DTX4: variants seen among roughly 807,000 people sequenced by gnomAD.
DTX4 encodes the protein deltex E3 ubiquitin ligase 4.
A neutral mutation model predicts 57.6 loss-of-function variants in DTX4; 28 were observed. That is an observed-to-expected ratio of 0.49 (90% confidence interval 0.36 to 0.67). DTX4 has a LOEUF of 0.67. DTX4 is among the 30% of genes least tolerant of loss of function. The probability of loss-of-function intolerance (pLI) is 0.00; values close to 1 mark genes in which losing one functional copy is unlikely to be tolerated. For missense variants in DTX4, 715 were observed against 836.8 expected (o/e 0.85, Z 1.80); for synonymous variants, 316 against 331.0 (o/e 0.95, Z 0.49).
rs970303694 is a variant in DTX4, at chr11:59,192,118, A to C, written c.1242A>C (p.Glu414Asp). 2 of 1,613,588 alleles carry C rather than the reference A, an allele frequency of 1.2e-6. No homozygotes were observed. The highest frequency in any genetic ancestry group is 3.3e-5 in the Admixed American group (2 of 60,018). Reference protein sequence around the residue: ...PPDEDCTICMERLTAPSGYKG... With the variant: ...PPDEDCTICMDRLTAPSGYKG... ...CCCAGGACTGCACCATCTGTATGGA[A>C]CGCCTCACGGCCCCCTCAGGCTACA... The change falls in exon 6 of 9, where the codon GAA (glutamate) becomes GAC (aspartate). Residue 414 changes from glutamate (E) to aspartate (D), a missense_variant. Transcript: ENST00000227451.
Position 59,188,725 on chromosome 11 carries a change from C to T in DTX4, c.936-10C>T, listed in dbSNP as rs781240883. 6.2e-6 allele frequency: 10 copies of T among 1,612,698 alleles called. No individual in the cohort carries two copies. In the Admixed American group the frequency reaches 6.7e-5, roughly 11 times the overall value. The stretch of plus-strand genomic sequence containing the variant: ...CAAAATGACATTGTATCTGCTCTTT[C>T]CTTTCACAGGGTCCCCACAGTCCCA... On this transcript the variant is annotated splice_polypyrimidine_tract_variant and intron_variant, in intron 2 of 8. Coordinates refer to ENST00000227451, the MANE Select transcript of DTX4 (RefSeq NM_015177.2).
At chr11:59,191,198 G>A (rs368150806) in intron 5 of DTX4, 23 bp downstream of exon 5, 5 of 1,559,586 alleles carry the variant, frequency 3.2e-6, no homozygotes, top group East Asian at 2.4e-5. Context: ...TTAGAAGAGC[G>A]GGATTCACCT....
chr11:59,196,306 A>T (rs1303382265), intron 7 of DTX4, among the ~76,000 whole-genome samples: 1 of 148,492 alleles, frequency 6.7e-6, no homozygotes, highest in Non-Finnish European at 1.5e-5. Flanking sequence ...GAAACAAATG[A>T]ATAAACAAGG....
intron 6 of DTX4, chr11:59,194,929 C>G (rs985384450): frequency 2.2e-6 from 1 of 459,050 alleles, no homozygotes; most frequent in Non-Finnish European, 3.9e-6. Flanking sequence ...GTGTAGGCTC[C>G]TGCCCTAGAG....
intron 2 of DTX4, among the ~76,000 whole-genome samples, chr11:59,187,860 G>A (rs1264657976): frequency 6.6e-6 from 1 of 152,272 alleles, no homozygotes; most frequent in Non-Finnish European, 1.5e-5. Flanking sequence ...AGGAGGCTTT[G>A]CCTAATATTT....
rs1862565548 is a variant in DTX4, at chr11:59,189,196, G to A, written c.1032G>A (p.Leu344=). The A allele has an allele frequency of 1.2e-6, 2 of 1,613,644 alleles. No individual in the cohort carries two copies. ...GGATCCTCATGAGTGCAGCGGGGCT[G>A]CCTGTGTGTCTCACCAGGCCACCAA... ...ITGILMSAAG[L]PVCLTRPPKL... is the part of the protein sequence containing the mutation. Residue 344 remains leucine (L), a synonymous_variant, in exon 4 of 9, where the codon CTG becomes CTA. Coordinates refer to ENST00000227451, the MANE Select transcript of DTX4 (RefSeq NM_015177.2).
chr11:59,195,990 C>T (rs1161375951), intron 7 of DTX4, among the ~76,000 whole-genome samples: 1 of 152,208 alleles, frequency 6.6e-6, no homozygotes, highest in African/African-American at 2.4e-5. Flanking sequence ...AAAGACAGTC[C>T]TGAAGAACAA....
chr11:59,179,915 C>T (rs1342991444), intron 1 of DTX4, among the ~76,000 whole-genome samples: 1 of 151,270 alleles, frequency 6.6e-6, no homozygotes. Flanking sequence ...CACACATACA[C>T]ACACAGACAC....
At chr11:59,204,531 C>T in intron 8 of DTX4, 145 bp from the exon 9 acceptor site, 2 of 747,824 alleles carry the variant, frequency 2.7e-6, no homozygotes, top group Non-Finnish European at 4.3e-6. Flanking sequence ...ACTCCAAGTC[C>T]AAATCTCTTT....
At chr11:59,177,605 G>T (rs1455217776) in intron 1 of DTX4, among the ~76,000 whole-genome samples, 2 of 152,046 alleles carry the variant, frequency 1.3e-5, no homozygotes, top group Non-Finnish European at 2.9e-5. Flanking sequence ...ATCTTTCCAG[G>T]ATTGTCTTCT....
chr11:59,176,734 T>A (rs192090071), intron 1 of DTX4, among the ~76,000 whole-genome samples: 17 of 152,334 alleles, frequency 1.1e-4, no homozygotes, highest in Non-Finnish European at 2.2e-4. Context: ...AGGTTTTGGG[T>A]GCTTTGTAAC....
intron 7 of DTX4, among the ~76,000 whole-genome samples, chr11:59,198,489 C>G (rs1460113307): frequency 2.6e-5 from 4 of 152,158 alleles, no homozygotes; most frequent in Non-Finnish European, 5.9e-5. Flanking sequence ...TTCTCTGAGA[C>G]CCCATTGCAT....
Position 59,188,626 on chromosome 11 carries a change from C to A in DTX4, c.936-109C>A, listed in dbSNP as rs868580589. 1.4e-5 allele frequency: 12 copies of A among 878,228 alleles called. No homozygotes were observed. The Middle Eastern group carries it at 8.9e-4, about 65-fold the overall frequency. The allele number at this position is 878,228 out of a possible 1,614,324, so 54.4% of individuals were successfully genotyped here. ...GACTTAGGTTTTGAAGATGTCACTT[C>A]CTGCTGTCTGCTGTGTTAAGCACTT... is the stretch of plus-strand genomic sequence containing the variant. On this transcript the variant is annotated intron_variant, in intron 2 of 8. Transcript: ENST00000227451.
intron 1 of DTX4, among the ~76,000 whole-genome samples, chr11:59,179,105 C>CTG (rs1862429711): frequency 6.6e-6 from 1 of 151,910 alleles, no homozygotes; most frequent in Non-Finnish European, 1.5e-5. Flanking sequence ...TGCACAGTCC[C>CTG]TGCCACCCTG....
At chr11:59,180,493 T>G (rs561160811) in intron 1 of DTX4, among the ~76,000 whole-genome samples, 132 of 152,284 alleles carry the variant, frequency 8.7e-4, no homozygotes, top group Admixed American at 2.0e-3. Flanking sequence ...TGGGATTCTG[T>G]CCCCAGTCTT....
intron 1 of DTX4, among the ~76,000 whole-genome samples, chr11:59,178,016 C>T (rs1021062866): frequency 7.9e-5 from 12 of 152,182 alleles, no homozygotes; most frequent in African/African-American, 2.7e-4. Context: ...TGTAACTGCA[C>T]ATTGAGATGA....
At chr11:59,190,545 T>C (rs1004657220) in intron 4 of DTX4, among the ~76,000 whole-genome samples, 22 of 152,168 alleles carry the variant, frequency 1.4e-4, no homozygotes, top group Non-Finnish European at 2.9e-4. Flanking sequence ...CCCTAAATCA[T>C]TGCAGCCCAT....
intron 7 of DTX4, among the ~76,000 whole-genome samples, chr11:59,195,824 A>G (rs1412213790): frequency 6.6e-6 from 1 of 152,260 alleles, no homozygotes; most frequent in African/African-American, 2.4e-5. Context: ...ACAACAAATA[A>G]TGCTGGAATG....
chr11:59,198,100 C>T (rs1413735157), intron 7 of DTX4, among the ~76,000 whole-genome samples: 1 of 152,218 alleles, frequency 6.6e-6, no homozygotes. Flanking sequence ...CAGGCATGCG[C>T]TTCTGTGAGG....
Sources: allele counts gnomAD v4.1 joint callset (sites outside exome capture counted in the v4.1 genomes callset), GRCh38; gene constraint gnomAD v4.1.1; transcripts MANE v1.5; gene names NCBI Gene and HGNC (gene_info 2026-07-23, HGNC 2026-07-21).